The following NIN variants were observed in gnomAD, a reference collection of about 807,000 sequenced individuals.
NIN encodes the protein glycogen synthase kinase 3 beta-interacting protein.
In NIN, 137 loss-of-function variants were observed where a neutral mutation model predicts 257.6. The ratio of observed to expected loss-of-function variants is 0.53; its 90% CI spans 0.46 to 0.61. The LOEUF (loss-of-function observed/expected upper bound fraction) is 0.61. Ranked by LOEUF, NIN falls within the 20% of genes least tolerant of loss-of-function variation. NIN has a pLI of 0.00. For synonymous variants in NIN, 918 were observed against 919.8 expected, an observed-to-expected ratio of 1.00 and a Z score of 0.04; for missense variants, 2,439 against 2,501.2, an observed-to-expected ratio of 0.98 and a Z score of 0.53.
intron 3 of NIN, among the ~76,000 whole-genome samples, chr14:50,816,217 G>A (rs1051428165): frequency 6.6e-6 from 1 of 152,030 alleles, no homozygotes; most frequent in African/African-American, 2.4e-5. Flanking sequence ...CCTGTGAGGT[G>A]GGGGGAGGGA....
chr14:50,741,956 C>T (rs2041305467), intron 24 of NIN: 2 of 453,174 alleles, frequency 4.4e-6, no homozygotes, highest in Non-Finnish European at 7.8e-6. Context: ...CAAGGTATTG[C>T]TGATAGTCAT....
chr14:50,747,993 T>C lies in NIN; in HGVS notation c.5063A>G (p.Gln1688Arg). ...CCCCTTAGCTGCACACAGCCTTACC[T>C]GTTTCATTTTCTCCAGTTCATCTTT... ...LLKDELEKMK[Q>R]LHRCPDLSDF... Residue 1688 changes from glutamine to arginine, a missense_variant and splice_region_variant, in exon 22 of 31, where the codon CAG (glutamine) becomes CGG (arginine). Physicochemically the swap from Gln to Arg is conservative, Grantham distance 43 (BLOSUM62 1). Around this residue, in one of 3 missense-constraint regions of NIN, gnomAD observed 2,043 missense variants for 2,050.2 expected, o/e 1.00. Coordinates refer to ENST00000530997, the MANE Select transcript of NIN (RefSeq NM_020921.4). 9.4e-6 allele frequency: 15 copies of C among 1,602,270 alleles called. No individual in the cohort carries two copies. Among genetic ancestry groups the C allele is most frequent in the Non-Finnish European group, 1.3e-5 (15 of 1,169,146 alleles).
At chr14:50,813,609 GA>G (rs1157468736) in intron 3 of NIN, among the ~76,000 whole-genome samples, 1 of 152,080 alleles carries the variant, frequency 6.6e-6, no homozygotes, top group Non-Finnish European at 1.5e-5. Flanking sequence ...CACCACACAA[GA>G]AACAAATTCA....
intron 28 of NIN, 148 bp from the exon 29 acceptor site, chr14:50,729,871 C>A: frequency 1.8e-6 from 1 of 550,708 alleles, no homozygotes; most frequent in Non-Finnish European, 3.1e-6. Flanking sequence ...GCATATGGGC[C>A]CGAGGAATAC....
At chr14:50,819,056 T>G (rs1483027122) in intron 3 of NIN, among the ~76,000 whole-genome samples, 1 of 152,186 alleles carries the variant, frequency 6.6e-6, no homozygotes, top group African/African-American at 2.4e-5. Flanking sequence ...GTAAGGTGGA[T>G]TTGTATTTGA....
At chr14:50,733,997 G>A (rs563647364) in intron 28 of NIN, among the ~76,000 whole-genome samples, 1 of 152,002 alleles carries the variant, frequency 6.6e-6, no homozygotes, top group East Asian at 1.9e-4. Context: ...ATCAATGCTT[G>A]GTGCTTGGTT....
chr14:50,804,040 T>C (rs1030113082), intron 4 of NIN, among the ~76,000 whole-genome samples: 3 of 151,944 alleles, frequency 2.0e-5, no homozygotes, highest in African/African-American at 7.3e-5. Flanking sequence ...GTACTACAGG[T>C]GCCTGCCACC....
chr14:50,778,894 CTGAA>C, intron 5 of NIN, 90 bp from the exon 6 acceptor site: 1 of 1,317,072 alleles, frequency 7.6e-7, no homozygotes, highest in Non-Finnish European at 1.1e-6. Flanking sequence ...CTCTCTGGCT[CTGAA>C]ATCATCATCT....
intron 28 of NIN, 108 bp downstream of exon 28, chr14:50,735,408 A>G (rs1299686621): frequency 2.1e-6 from 3 of 1,428,930 alleles, no homozygotes; most frequent in Non-Finnish European, 1.9e-6. Context: ...CAGTGTACTT[A>G]GATTTTCACA....
chr14:50,767,378 A>C (rs1186632334), intron 12 of NIN, among the ~76,000 whole-genome samples: 2 of 152,248 alleles, frequency 1.3e-5, no homozygotes, highest in Non-Finnish European at 1.5e-5. Context: ...ATTATAATGC[A>C]GGCCACGTAT....
chr14:50,821,558 C>G, intron 3 of NIN, among the ~76,000 whole-genome samples: 1 of 152,204 alleles, frequency 6.6e-6, no homozygotes. Context: ...CACCCTCCTC[C>G]TTTCTGTCCC....
At chr14:50,818,681 A>G (rs1399690656) in intron 3 of NIN, among the ~76,000 whole-genome samples, 1 of 152,232 alleles carries the variant, frequency 6.6e-6, no homozygotes, top group African/African-American at 2.4e-5. Flanking sequence ...CTTATCGGCA[A>G]TATCCCTTTT....
chr14:50,723,097 CTCAAACT>C lies in NIN; in HGVS notation c.*359_*365del, dbSNP rs1279179447. ...TTTATAACAACCATTCTCATCAGAT[CTCAAACT>C]TCAAATATCTAGATTTTACACATAG... is the stretch of plus-strand genomic sequence containing the variant. On this transcript the variant is annotated 3_prime_UTR_variant, in exon 31 of 31. Coordinates refer to ENST00000530997, the MANE Select transcript of NIN (RefSeq NM_020921.4). 1 of 237,304 alleles carries C rather than the reference CTCAAACT, an allele frequency of 4.2e-6. No individual in the cohort carries two copies. The highest frequency in any genetic ancestry group is 8.2e-6 in the Non-Finnish European group (1 of 121,346). 14.7% of individuals were successfully genotyped at this position (237,304 alleles called of 1,614,324 possible).
intron 3 of NIN, among the ~76,000 whole-genome samples, chr14:50,812,523 T>A (rs2044680933): frequency 6.6e-6 from 1 of 152,188 alleles, no homozygotes; most frequent in South Asian, 2.1e-4. Flanking sequence ...GTTTATCAGC[T>A]ACCCCATAGA....
At chr14:50,743,807 C>T (rs1217509546) in intron 23 of NIN, among the ~76,000 whole-genome samples, 2 of 151,666 alleles carry the variant, frequency 1.3e-5, no homozygotes, top group African/African-American at 4.9e-5. Flanking sequence ...AGCTGGAAGG[C>T]CATTAAAAAT....
intron 3 of NIN, among the ~76,000 whole-genome samples, chr14:50,813,418 A>C (rs973257193): frequency 3.3e-5 from 5 of 152,230 alleles, no homozygotes; most frequent in Non-Finnish European, 7.3e-5. Context: ...AAATTACACG[A>C]CTGACGAAAA....
chr14:50,770,732 G>C, intron 11 of NIN, 120 bp downstream of exon 11: 2 of 1,361,840 alleles, frequency 1.5e-6, no homozygotes, highest in Non-Finnish European at 2.0e-6. Flanking sequence ...CTCCAGCAAG[G>C]TGTGGCCAAC....
At chr14:50,775,145 G>A (rs2042873641) in intron 7 of NIN, among the ~76,000 whole-genome samples, 1 of 152,304 alleles carries the variant, frequency 6.6e-6, no homozygotes, top group Non-Finnish European at 1.5e-5. Flanking sequence ...GGGGCTGGCT[G>A]CATCTTACTG....
At chr14:50,759,433 A>G (rs1192421470) in intron 17 of NIN, among the ~76,000 whole-genome samples, 2 of 152,144 alleles carry the variant, frequency 1.3e-5, no homozygotes, top group African/African-American at 2.4e-5. Context: ...TATTTAAAAG[A>G]GTCTACTCAA....
Sources: allele counts gnomAD v4.1 joint callset (sites outside exome capture counted in the v4.1 genomes callset), GRCh38; gene constraint gnomAD v4.1.1; regional missense constraint gnomAD v4.1.1; transcripts MANE v1.5; gene names NCBI Gene and HGNC (gene_info 2026-07-23, HGNC 2026-07-21).